CREB5: variants seen among roughly 807,000 people sequenced by gnomAD.
CREB5 encodes the protein cAMP responsive element binding protein 5.
Under a neutral mutation model 57.1 loss-of-function variants are expected in CREB5, and 19 were observed. The ratio of observed to expected loss-of-function variants is 0.33; its 90% CI spans 0.23 to 0.49. The LOEUF is 0.49. Ranked by LOEUF, CREB5 falls within the 20% of genes least tolerant of loss-of-function variation. CREB5 has a pLI of 0.99. For missense variants in CREB5, 579 were observed against 671.6 expected (o/e 0.86, Z 1.52); for synonymous variants, 238 against 238.3 (o/e 1.00, Z 0.01).
intron 5 of CREB5, among the ~76,000 whole-genome samples, chr7:28,647,655 A>G (rs1798939114): frequency 6.6e-6 from 1 of 152,232 alleles, no homozygotes; most frequent in Admixed American, 6.5e-5. Flanking sequence ...AAATAAATCA[A>G]GATTGACAGA....
intron 5 of CREB5, among the ~76,000 whole-genome samples, chr7:28,688,363 A>C (rs1233850512): frequency 6.6e-6 from 1 of 152,234 alleles, no homozygotes; most frequent in Non-Finnish European, 1.5e-5. Context: ...AATGGTGCCA[A>C]AAATGCAGCA....
chr7:28,379,890 C>T (rs1463549129), intron 1 of CREB5, among the ~76,000 whole-genome samples: 1 of 152,106 alleles, frequency 6.6e-6, no homozygotes, highest in Non-Finnish European at 1.5e-5. Flanking sequence ...GTTCGGAAAT[C>T]AGTATTTTGT....
At chr7:28,776,383 A>ACAAT (rs1806643019) in intron 7 of CREB5, among the ~76,000 whole-genome samples, 3 of 152,050 alleles carry the variant, frequency 2.0e-5, no homozygotes, top group Admixed American at 2.0e-4. Context: ...TGCTATTTTA[A>ACAAT]CAATCATTCT....
intron 4 of CREB5, among the ~76,000 whole-genome samples, chr7:28,521,495 G>A (rs1793207006): frequency 3.3e-5 from 5 of 152,158 alleles, no homozygotes; most frequent in Admixed American, 3.3e-4. Flanking sequence ...TTGCAGGGGT[G>A]CCTTGCAGAT....
intron 3 of CREB5, among the ~76,000 whole-genome samples, chr7:28,499,609 G>A (rs1792193527): frequency 6.6e-6 from 1 of 152,158 alleles, no homozygotes; most frequent in Admixed American, 6.5e-5. Flanking sequence ...TTGAGATGGA[G>A]TTTCGCTCTC....
At chr7:28,661,786 A>T (rs1799622042) in intron 5 of CREB5, among the ~76,000 whole-genome samples, 1 of 152,232 alleles carries the variant, frequency 6.6e-6, no homozygotes, top group South Asian at 2.1e-4. Flanking sequence ...TTGCGCTTAC[A>T]GAAAGTTTGA....
At position 28,821,231 on chromosome 7, in the gene CREB5, TG is replaced by T. The variant is rs745718510; in HGVS notation, c.*1953del. On this transcript the variant is annotated 3_prime_UTR_variant, in exon 11 of 11. Coordinates refer to ENST00000357727, the MANE Select transcript of CREB5 (RefSeq NM_182898.4). ...TAAGAGTGCAGAAAAGGGAAGGATG[TG>T]TTTTTTTCTCTCACTATAGTATAAG... The T allele has an allele frequency of 5.7e-4, 86 of 152,140 alleles. No homozygotes were observed. Among genetic ancestry groups the T allele is most frequent in the Admixed American group, 9.2e-4 (14 of 15,262 alleles). The allele number at this position is 152,140 out of a possible 1,614,324, so 9.4% of individuals were successfully genotyped here. A position where few individuals can be genotyped will look rare whatever the true frequency, so the allele number is the denominator to read the frequency against.
rs1795656649 is a variant in CREB5 at position 28,570,503 on chromosome 7, A to G, written c.430A>G (p.Ile144Val). ...AMPSPQSSSVITQAPSTNRQI... is the reference protein window; with the variant it reads ...AMPSPQSSSVVTQAPSTNRQI... ...GCCGTCGCCTCAGTCCAGCTCTGTC[A>G]TCACTCAGGCACCTTCCACCAACCG... Residue 144 changes from isoleucine to valine, a missense_variant, in exon 5 of 11, where the codon ATC becomes GTC. Physicochemically the swap from Ile to Val is conservative, Grantham distance 29 (BLOSUM62 3). This residue lies in a region of CREB5 where 459 missense variants were observed against 515.7 expected (regional missense o/e 0.89). Coordinates refer to ENST00000357727, the MANE Select transcript of CREB5 (RefSeq NM_182898.4). The G allele has an allele frequency of 1.9e-6, 3 of 1,614,044 alleles. No homozygotes were observed. Among genetic ancestry groups the G allele is most frequent in the Non-Finnish European group, 2.5e-6 (3 of 1,179,984 alleles).
At chr7:28,732,491 G>A (rs778234323) in intron 7 of CREB5, among the ~76,000 whole-genome samples, 6 of 152,102 alleles carry the variant, frequency 3.9e-5, no homozygotes, top group South Asian at 4.1e-4. Flanking sequence ...GTGTGAGCAC[G>A]CGTGTGTCCC....
intron 5 of CREB5, among the ~76,000 whole-genome samples, chr7:28,646,626 C>G (rs1467088634): frequency 3.3e-5 from 5 of 151,992 alleles, no homozygotes; most frequent in Non-Finnish European, 4.4e-5. Flanking sequence ...CCAAGGGTAA[C>G]AGAGAACAAA....
At chr7:28,315,115 C>T (rs926750618) in intron 1 of CREB5, among the ~76,000 whole-genome samples, 2 of 152,134 alleles carry the variant, frequency 1.3e-5, no homozygotes, top group Non-Finnish European at 2.9e-5. Context: ...AGGTATGGAA[C>T]AGACGCTGGG....
intron 1 of CREB5, among the ~76,000 whole-genome samples, chr7:28,343,086 A>G (rs1452969073): frequency 6.6e-6 from 1 of 151,896 alleles, no homozygotes; most frequent in Non-Finnish European, 1.5e-5. Flanking sequence ...GACTACAGGT[A>G]CCCGCCACCA....
chr7:28,770,480 CT>C (rs778009076), intron 7 of CREB5, among the ~76,000 whole-genome samples: 1 of 152,030 alleles, frequency 6.6e-6, no homozygotes, highest in Non-Finnish European at 1.5e-5. Context: ...AAGAATGGAA[CT>C]TTTTTTTATA....
chr7:28,360,886 C>T (rs1786461711), intron 1 of CREB5, among the ~76,000 whole-genome samples: 1 of 152,054 alleles, frequency 6.6e-6, no homozygotes. Flanking sequence ...AGTGATTCTC[C>T]ACTGGGGGAA....
chr7:28,713,835 T>C (rs1329153542), intron 5 of CREB5, among the ~76,000 whole-genome samples: 1 of 152,214 alleles, frequency 6.6e-6, no homozygotes, highest in East Asian at 1.9e-4. Context: ...AACAATGACA[T>C]CTGGATATCC....
At chr7:28,399,183 T>A (rs937660647) in intron 1 of CREB5, among the ~76,000 whole-genome samples, 1 of 151,970 alleles carries the variant, frequency 6.6e-6, no homozygotes, top group Admixed American at 6.5e-5. Flanking sequence ...TGAACCCAAG[T>A]ATTGACATCA....
At chr7:28,395,785 C>A (rs1562690316) in intron 1 of CREB5, among the ~76,000 whole-genome samples, 2 of 151,814 alleles carry the variant, frequency 1.3e-5, no homozygotes, top group African/African-American at 4.8e-5. Context: ...TTTCTTTTTT[C>A]TTTCTTTCTT....
intron 7 of CREB5, among the ~76,000 whole-genome samples, chr7:28,739,257 C>G (rs745468760): frequency 2.0e-4 from 31 of 152,116 alleles, no homozygotes; most frequent in Non-Finnish European, 7.4e-5. Flanking sequence ...GTTATGAGTT[C>G]CACTATCCAC....
intron 4 of CREB5, among the ~76,000 whole-genome samples, chr7:28,517,894 T>C (rs1793042276): frequency 6.6e-6 from 1 of 152,186 alleles, no homozygotes; most frequent in African/African-American, 2.4e-5. Context: ...TTTCAGCATC[T>C]CCTCTAAGCA....
Sources: allele counts gnomAD v4.1 joint callset (sites outside exome capture counted in the v4.1 genomes callset), GRCh38; gene constraint gnomAD v4.1.1; regional missense constraint gnomAD v4.1.1; transcripts MANE v1.5; gene names NCBI Gene and HGNC (gene_info 2026-07-23, HGNC 2026-07-21).